The following GALNTL6 variants were observed in gnomAD, a reference collection of about 807,000 sequenced individuals.
The protein encoded by GALNTL6 is polypeptide N-acetylgalactosaminyltransferase-like 6.
A neutral mutation model predicts 73.7 loss-of-function variants in GALNTL6; 46 were observed. The ratio of observed to expected loss-of-function variants is 0.62; its 90% CI spans 0.49 to 0.80. The LOEUF is 0.80. Ranked by LOEUF, GALNTL6 falls within the 30% of genes least tolerant of loss-of-function variation. The pLI is 0.00. For missense variants in GALNTL6, 604 were observed against 755.0 expected, an observed-to-expected ratio of 0.80 and a Z score of 2.34; for synonymous variants, 259 against 263.7, an observed-to-expected ratio of 0.98 and a Z score of 0.17.
At chr4:172,786,495 G>T (rs1315257348) in intron 5 of GALNTL6, among the ~76,000 whole-genome samples, 2 of 152,140 alleles carry the variant, frequency 1.3e-5, no homozygotes, top group Non-Finnish European at 2.9e-5. Context: ...TAATATAAGT[G>T]TTTGGCAAGA....
intron 3 of GALNTL6, among the ~76,000 whole-genome samples, chr4:172,298,442 A>G (rs1739772498): frequency 6.6e-6 from 1 of 152,168 alleles, no homozygotes; most frequent in Non-Finnish European, 1.5e-5. Context: ...GGTATTCAAA[A>G]GGAATGCTTC....
chr4:172,782,767 G>A (rs1433010564), intron 5 of GALNTL6, among the ~76,000 whole-genome samples: 1 of 152,080 alleles, frequency 6.6e-6, no homozygotes, highest in Non-Finnish European at 1.5e-5. Flanking sequence ...TCACCAGAAA[G>A]AGTACAGCAC....
At chr4:171,863,103 A>T (rs1183189221) in intron 2 of GALNTL6, among the ~76,000 whole-genome samples, 2 of 152,200 alleles carry the variant, frequency 1.3e-5, no homozygotes, top group African/African-American at 4.8e-5. Flanking sequence ...GCATTGGCTT[A>T]CAGGATTGAA....
intron 2 of GALNTL6, among the ~76,000 whole-genome samples, chr4:171,978,116 T>C (rs7688928): frequency 0.082 from 12,450 of 152,076 alleles, 1,405 homozygotes; most frequent in African/African-American, 0.26. Context: ...TTAGAAAATC[T>C]ACAGAAAATG....
intron 5 of GALNTL6, among the ~76,000 whole-genome samples, chr4:172,634,461 C>A (rs1361963059): frequency 6.6e-6 from 1 of 152,118 alleles, no homozygotes; most frequent in African/African-American, 2.4e-5. Flanking sequence ...AGCTCTGGAA[C>A]CTTCTTGGTG....
At chr4:172,038,146 A>G (rs1275861883) in intron 2 of GALNTL6, among the ~76,000 whole-genome samples, 1 of 151,642 alleles carries the variant, frequency 6.6e-6, no homozygotes, top group Non-Finnish European at 1.5e-5. Flanking sequence ...ATTTAGAGAT[A>G]ATTTTCTCAG....
intron 5 of GALNTL6, among the ~76,000 whole-genome samples, chr4:172,595,224 G>A (rs1200586363): frequency 1.3e-5 from 2 of 152,118 alleles, no homozygotes; most frequent in African/African-American, 4.8e-5. Context: ...CATTGCAACT[G>A]GAGTATTTGT....
intron 2 of GALNTL6, among the ~76,000 whole-genome samples, chr4:172,192,512 G>A (rs1008186769): frequency 3.3e-5 from 5 of 151,896 alleles, no homozygotes; most frequent in African/African-American, 7.3e-5. Context: ...CTAGGCAGTC[G>A]GAGTGACCCA....
At chr4:172,286,601 A>G (rs1351797135) in intron 3 of GALNTL6, among the ~76,000 whole-genome samples, 1 of 152,186 alleles carries the variant, frequency 6.6e-6, no homozygotes, top group African/African-American at 2.4e-5. Flanking sequence ...AAATGTCACT[A>G]AAGGACTCAG....
At chr4:172,219,733 A>G (rs1736612677) in intron 2 of GALNTL6, among the ~76,000 whole-genome samples, 1 of 151,940 alleles carries the variant, frequency 6.6e-6, no homozygotes, top group Non-Finnish European at 1.5e-5. Flanking sequence ...TCTAGTTGTC[A>G]AGTCTTGACA....
intron 7 of GALNTL6, among the ~76,000 whole-genome samples, chr4:172,814,002 G>A (rs886094300): frequency 4.6e-5 from 7 of 152,024 alleles, no homozygotes; most frequent in African/African-American, 1.4e-4. Context: ...GAAAAGGAAG[G>A]CATGTTCCCT....
chr4:172,628,015 T>C (rs1318291450), intron 5 of GALNTL6, among the ~76,000 whole-genome samples: 2 of 152,106 alleles, frequency 1.3e-5, no homozygotes, highest in African/African-American at 2.4e-5. Context: ...TTCTGCTCTG[T>C]GAGTTTTTAG....
chr4:172,874,725 A>G (rs780885488), intron 7 of GALNTL6, among the ~76,000 whole-genome samples: 5 of 152,074 alleles, frequency 3.3e-5, no homozygotes, highest in Admixed American at 6.5e-5. Context: ...AATAAGGAGA[A>G]CCTCAAGGTG....
At chr4:172,479,973 T>G (rs1291075406) in intron 5 of GALNTL6, among the ~76,000 whole-genome samples, 1 of 152,156 alleles carries the variant, frequency 6.6e-6, no homozygotes, top group Non-Finnish European at 1.5e-5. Context: ...ACACCCCTCA[T>G]TTTTATTACC....
intron 2 of GALNTL6, among the ~76,000 whole-genome samples, chr4:171,936,774 A>G (rs545316971): frequency 2.0e-5 from 3 of 152,344 alleles, no homozygotes; most frequent in African/African-American, 7.2e-5. Flanking sequence ...AATAGTTTAT[A>G]TTGATATTCT....
intron 3 of GALNTL6, among the ~76,000 whole-genome samples, chr4:172,259,500 T>C (rs1451008708): frequency 6.6e-6 from 1 of 151,530 alleles, no homozygotes; most frequent in Non-Finnish European, 1.5e-5. Context: ...TTGTAGATTC[T>C]GGATATTAGT....
Position 172,311,711 on chromosome 4 carries a change from T to C in GALNTL6, c.345T>C (p.Asn115=), listed in dbSNP as rs190908476. The change falls in exon 4 of 13, where the codon AAT becomes AAC. Residue 115 remains asparagine, a synonymous_variant. Coordinates refer to ENST00000506823, the MANE Select transcript of GALNTL6 (RefSeq NM_001034845.3). ...GTTTTAATATTTTCGTCAGCAACAATATTGCTCTAGAGAGGTCTCTGCCAG... is the reference window on the plus strand; with the variant it reads ...GTTTTAATATTTTCGTCAGCAACAACATTGCTCTAGAGAGGTCTCTGCCAG... ...ENGFNIFVSN[N]IALERSLPDI... is the part of the protein sequence containing the mutation. 3 of 1,610,402 alleles carry C rather than the reference T, an allele frequency of 1.9e-6. No homozygotes were observed. In the East Asian group the frequency reaches 6.7e-5, roughly 36 times the overall value.
At chr4:172,709,871 A>C in intron 5 of GALNTL6, among the ~76,000 whole-genome samples, 1 of 152,098 alleles carries the variant, frequency 6.6e-6, no homozygotes, top group East Asian at 1.9e-4. Flanking sequence ...TAAAGGGAAA[A>C]AATGTAGATG....
At chr4:171,987,355 G>A (rs1337503974) in intron 2 of GALNTL6, among the ~76,000 whole-genome samples, 1 of 152,098 alleles carries the variant, frequency 6.6e-6, no homozygotes, top group Non-Finnish European at 1.5e-5. Context: ...AATAAAGGCT[G>A]GTCTATTATC....
Sources: allele counts gnomAD v4.1 joint callset (sites outside exome capture counted in the v4.1 genomes callset), GRCh38; gene constraint gnomAD v4.1.1; transcripts MANE v1.5; gene names NCBI Gene and HGNC (gene_info 2026-07-23, HGNC 2026-07-21).